MICAL2: variants seen among roughly 807,000 people sequenced by gnomAD.
The protein encoded by MICAL2 is [F-actin]-monooxygenase MICAL2.
A neutral mutation model predicts 127.3 loss-of-function variants in MICAL2; 77 were observed. The ratio of observed to expected loss-of-function variants is 0.60; its 90% CI spans 0.50 to 0.73. The LOEUF is 0.73. MICAL2 is among the 30% of genes least tolerant of loss of function. MICAL2 has a pLI of 0.00. For missense variants in MICAL2, 1,351 were observed against 1,434.4 expected, an observed-to-expected ratio of 0.94 and a Z score of 0.94; for synonymous variants, 570 against 551.1, an observed-to-expected ratio of 1.03 and a Z score of -0.48.
At chr11:12,272,016 G>A (rs1046289914), upstream of MICAL2, among the ~76,000 whole-genome samples, 6 of 152,210 alleles carry the variant, frequency 3.9e-5, no homozygotes, top group African/African-American at 1.4e-4. Flanking sequence ...TGCTCTGAGA[G>A]GCCATCTGTC....
chr11:12,156,012 A>G (rs961632580), intron 2 of MICAL2, among the ~76,000 whole-genome samples: 2 of 152,228 alleles, frequency 1.3e-5, no homozygotes, highest in Non-Finnish European at 2.9e-5. Flanking sequence ...AGTGGAGTCT[A>G]CTAACTATTG....
chr11:12,356,458 G>T (rs1169370848), intron 34 of MICAL2, among the ~76,000 whole-genome samples: 1 of 152,196 alleles, frequency 6.6e-6, no homozygotes, highest in East Asian at 1.9e-4. Context: ...AGGCAGGTCT[G>T]TGTGACCTTG....
downstream of MICAL2, chr11:12,293,934 G>T (rs765487636): frequency 4.3e-6 from 7 of 1,612,900 alleles, no homozygotes; most frequent in African/African-American, 8.0e-5. Context: ...GAAGAGGGAG[G>T]GCCAGTGCTG....
At chr11:12,290,933 C>A (rs1565295158), downstream of MICAL2, among the ~76,000 whole-genome samples, 2 of 152,232 alleles carry the variant, frequency 1.3e-5, no homozygotes, top group South Asian at 4.1e-4. Flanking sequence ...CTGTGTGGGT[C>A]CCTGAGGAAG....
chr11:12,205,836 C>A (rs942597613), intron 4 of MICAL2, among the ~76,000 whole-genome samples: 2 of 152,202 alleles, frequency 1.3e-5, no homozygotes, highest in African/African-American at 4.8e-5. Flanking sequence ...AAGCAGCCAT[C>A]GTCCCCAGAC....
intron 32 of MICAL2, among the ~76,000 whole-genome samples, chr11:12,330,896 A>AGTGTGTGTGT (rs1461125821): frequency 1.7e-5 from 2 of 116,758 alleles, no homozygotes; most frequent in African/African-American, 3.3e-5. Flanking sequence ...AGAGAGAGAG[A>AGTGTGTGTGT]GAGAGTGTGT....
chr11:12,224,717 C>G lies in MICAL2; in HGVS notation c.1585C>G (p.Gln529Glu), dbSNP rs763187224. The change falls in exon 13 of 28, where the codon CAG (glutamine) becomes GAG (glutamate). Residue 529 changes from glutamine to glutamate, a missense_variant. Gln to Glu is a conservative substitution (Grantham distance 29). Around this residue, in one of 2 missense-constraint regions of MICAL2, gnomAD observed 599 missense variants for 714.9 expected, o/e 0.84. Coordinates refer to ENST00000683283, the MANE Select transcript of MICAL2 (RefSeq NM_001282663.2). ...PSKLLTWCQQQTEGYQHVNVT... is the reference protein window; with the variant it reads ...PSKLLTWCQQETEGYQHVNVT... ...CAAGCTCCTGACCTGGTGCCAGCAGCAGACAGAGGGCTACCAGCATGTCAA... is the reference window on the plus strand; with the variant it reads ...CAAGCTCCTGACCTGGTGCCAGCAGGAGACAGAGGGCTACCAGCATGTCAA... The G allele has an allele frequency of 1.2e-6, 2 of 1,614,094 alleles. No homozygotes were observed. Among genetic ancestry groups the G allele is most frequent in the Non-Finnish European group, 1.7e-6 (2 of 1,180,028 alleles).
rs1185268876 is a variant in MICAL2 at position 12,340,145 on chromosome 11, C to CA, written c.5516-9685dup. ...AGATACAGACGGTCAACTGTGTTTG[C>CA]AAAAAAAATAACCAAAAAAGAATCA... On this transcript the variant is annotated intron_variant, in intron 32 of 34. Transcript: ENST00000646065. Among the ~76,000 whole-genome samples the CA allele has an allele frequency of 9.2e-5, 14 of 151,522 alleles. 1 individual carries two copies. Among genetic ancestry groups the CA allele is most frequent in the South Asian group, 4.2e-4 (2 of 4,806 alleles).
At chr11:12,200,004 G>A (rs1165844645) in intron 3 of MICAL2, among the ~76,000 whole-genome samples, 2 of 152,204 alleles carry the variant, frequency 1.3e-5, no homozygotes, top group Non-Finnish European at 2.9e-5. Context: ...CAACTGGTGT[G>A]AACTGAAACA....
intron 2 of MICAL2, among the ~76,000 whole-genome samples, chr11:12,155,729 C>T (rs751352216): frequency 5.9e-5 from 9 of 152,242 alleles, no homozygotes; most frequent in South Asian, 2.1e-4. Flanking sequence ...TTACCTCCCC[C>T]ACGTCCACAT....
chr11:12,267,320 C>G (rs1350341872), downstream of MICAL2, among the ~76,000 whole-genome samples: 1 of 152,214 alleles, frequency 6.6e-6, no homozygotes, highest in Non-Finnish European at 1.5e-5. Context: ...GATTTTCCCC[C>G]AAAACAGGCT....
chr11:12,255,933 C>A lies in MICAL2; in HGVS notation c.2955+183C>A, dbSNP rs148009841. The stretch of plus-strand genomic sequence containing the variant: ...AAAGGAGCCTGCTTTTCCTTAAAGA[C>A]AGATCTCACTCAGGTCCCCTGTGGT... On this transcript the variant is annotated intron_variant, in intron 23 of 27. Transcript: ENST00000683283. The A allele has an allele frequency of 7.9e-4, 433 of 551,126 alleles. 5 individuals are homozygous for A. The East Asian group carries it at 0.012, about 15-fold the overall frequency. 34.1% of individuals were successfully genotyped at this position (551,126 alleles called of 1,614,324 possible).
chr11:12,260,747 G>A, intron 26 of MICAL2: 1 of 985,514 alleles, frequency 1.0e-6, no homozygotes, highest in Non-Finnish European at 1.2e-6. Flanking sequence ...CAGAAGCACG[G>A]AGCAGTGTGT....
At chr11:12,322,025 T>C (rs866928211) in intron 30 of MICAL2, among the ~76,000 whole-genome samples, 48 of 152,252 alleles carry the variant, frequency 3.2e-4, no homozygotes, top group African/African-American at 1.2e-3. Context: ...AACTCCTGGC[T>C]CTGCCTATTA....
chr11:12,248,169 C>A (rs1590625595), intron 21 of MICAL2, among the ~76,000 whole-genome samples: 2 of 152,280 alleles, frequency 1.3e-5, no homozygotes, highest in South Asian at 2.1e-4. Context: ...CACTTGCCCG[C>A]CCTCTCAGAT....
chr11:12,217,100 G>T (rs1181787493), intron 8 of MICAL2, among the ~76,000 whole-genome samples: 1 of 152,168 alleles, frequency 6.6e-6, no homozygotes, highest in Admixed American at 6.5e-5. Flanking sequence ...CTGACTGGAA[G>T]CTTCTTCGGA....
chr11:12,312,779 C>T (rs1301846924), intron 29 of MICAL2, among the ~76,000 whole-genome samples: 17 of 152,172 alleles, frequency 1.1e-4, no homozygotes, highest in Admixed American at 9.8e-4. Context: ...GGAAACCCAG[C>T]AAGGCCTGTC....
chr11:12,356,699 T>G (rs1939133677), intron 34 of MICAL2, among the ~76,000 whole-genome samples: 1 of 152,178 alleles, frequency 6.6e-6, no homozygotes, highest in Admixed American at 6.5e-5. Flanking sequence ...GTCTCTCCTG[T>G]GGGGTCACTC....
intron 22 of MICAL2, chr11:12,253,901 G>A (rs1861931047): frequency 6.6e-6 from 1 of 152,232 alleles, no homozygotes; most frequent in Non-Finnish European, 1.5e-5. Flanking sequence ...ATCACTGGCT[G>A]TTGGTGATTA....
Sources: allele counts gnomAD v4.1 joint callset (sites outside exome capture counted in the v4.1 genomes callset), GRCh38; gene constraint gnomAD v4.1.1; regional missense constraint gnomAD v4.1.1; transcripts MANE v1.5; gene names NCBI Gene and HGNC (gene_info 2026-07-23, HGNC 2026-07-21).